Variants in SEPTIN9 observed in about 807,000 individuals in gnomAD.
SEPTIN9 encodes septin 9.
In SEPTIN9, 13 loss-of-function variants were observed where a neutral mutation model predicts 56.6. The ratio of observed to expected loss-of-function variants is 0.23; its 90% CI spans 0.15 to 0.37. The LOEUF (loss-of-function observed/expected upper bound fraction) is 0.37. Ranked by LOEUF, SEPTIN9 falls within the 10% of genes least tolerant of loss-of-function variation. SEPTIN9 has a pLI of 1.00. For synonymous variants in SEPTIN9, 332 were observed against 334.1 expected, an observed-to-expected ratio of 0.99 and a Z score of 0.07; for missense variants, 650 against 823.1, an observed-to-expected ratio of 0.79 and a Z score of 2.57.
chr17:77,424,253 A>G (rs1164679253), intron 3 of SEPTIN9, among the ~76,000 whole-genome samples: 2 of 152,272 alleles, frequency 1.3e-5, no homozygotes, highest in African/African-American at 4.8e-5. Context: ...AACTGGCCTC[A>G]GGCCACACAG....
rs758565020 is a variant in SEPTIN9 at position 77,475,932 on chromosome 17, G to T, written c.722-6212G>T. 1.3e-5 allele frequency: 20 copies of T among 1,589,850 alleles called. No homozygotes were observed. The highest frequency in any genetic ancestry group is 1.7e-5 in the Non-Finnish European group (20 of 1,165,228). On this transcript the variant is annotated intron_variant, in intron 3 of 11. Transcript: ENST00000427177. This position sits in a 1 kb window ranked among gnomAD's most constrained non-coding sequence, Gnocchi z 4.6. ...TGTGGGGATGTGGCCATTTCGGTCC[G>T]TGCTCTGAGAGCCAGGTGTGGGTTG...
chr17:77,297,987 C>T (rs1478379305), intron 1 of SEPTIN9, among the ~76,000 whole-genome samples: 1 of 152,136 alleles, frequency 6.6e-6, no homozygotes. Context: ...ATTCCAGGAA[C>T]AGCAAGGAGG....
chr17:77,451,869 G>A lies in SEPTIN9; in HGVS notation c.722-30275G>A, dbSNP rs1232662271. ...TTGGAACATGTTTCCTTTTCGCAAG[G>A]GGTTTCCCTGGCTTCCAGGAGGGCC... is the stretch of plus-strand genomic sequence containing the variant. On this transcript the variant is annotated intron_variant, in intron 3 of 11. Transcript: ENST00000427177. This position sits in a 1 kb window ranked among gnomAD's most constrained non-coding sequence, Gnocchi z 4.2. Among the ~76,000 whole-genome samples the A allele has an allele frequency of 1.2e-4, 19 of 152,232 alleles. No homozygotes were observed. The highest frequency in any genetic ancestry group is 1.2e-3 in the Admixed American group (18 of 15,288).
At position 77,475,926 on chromosome 17, in the gene SEPTIN9, C is replaced by T. The variant is rs373377651; in HGVS notation, c.722-6218C>T. On this transcript the variant is annotated intron_variant, in intron 3 of 11. Transcript: ENST00000427177. This position sits in a 1 kb window ranked among gnomAD's most constrained non-coding sequence, Gnocchi z 4.6. Reference sequence around the variant, plus strand: ...AAGGTGTGTGGGGATGTGGCCATTTCGGTCCGTGCTCTGAGAGCCAGGTGT... The same window carrying T: ...AAGGTGTGTGGGGATGTGGCCATTTTGGTCCGTGCTCTGAGAGCCAGGTGT... 57 of 1,595,134 alleles carry T rather than the reference C, an allele frequency of 3.6e-5. No homozygotes were observed. In the African/African-American group the frequency reaches 5.2e-4, roughly 15 times the overall value.
chr17:77,281,550 C>T lies in SEPTIN9; in HGVS notation c.15C>T (p.Tyr5=), dbSNP rs944573131. 1.3e-6 allele frequency: 2 copies of T among 1,544,506 alleles called. No homozygotes were observed. Among genetic ancestry groups the T allele is most frequent in the Non-Finnish European group, 1.7e-6 (2 of 1,145,260 alleles). Residue 5 remains tyrosine (Y), a synonymous_variant, in exon 1 of 12, where the codon TAC becomes TAT. Transcript: ENST00000427177. ...ACGGAGGCACCATGAAGAAGTCTTA[C>T]TCAGGTGGGCTTCGCGCCCGGGGTG... MKKS[Y]SGGTRTSSGR...
In SEPTIN9 at chr17:77,323,542, C is replaced by T. The variant is rs534229621; in HGVS notation, c.76+16345C>T. Reference sequence around the variant, plus strand: ...CCCGGGGTCCTGGAGGGGGCTTGGCCACGCTGTCGCTGGACGTCTGTCCCC... The same window carrying T: ...CCCGGGGTCCTGGAGGGGGCTTGGCTACGCTGTCGCTGGACGTCTGTCCCC... On this transcript the variant is annotated intron_variant, in intron 2 of 11. Transcript: ENST00000427177. The surrounding 1 kb of genome is among the most constrained non-coding windows in gnomAD (Gnocchi z 6.8). Among the ~76,000 whole-genome samples, 3 of 152,252 alleles carry T rather than the reference C, an allele frequency of 2.0e-5. No homozygotes were observed. The South Asian group carries it at 6.2e-4, about 32-fold the overall frequency.
At chr17:77,291,224 C>T (rs1379152814) in intron 1 of SEPTIN9, among the ~76,000 whole-genome samples, 10 of 151,140 alleles carry the variant, frequency 6.6e-5, no homozygotes, top group South Asian at 2.1e-4. Context: ...TTAGTAGGGA[C>T]GGGGTTTCAC....
rs1163168582 is a variant in SEPTIN9, at chr17:77,404,616, C to T, written c.721+1913C>T. Among the ~76,000 whole-genome samples, 3 of 152,048 alleles carry T rather than the reference C, an allele frequency of 2.0e-5. No individual in the cohort carries two copies. In the East Asian group the frequency reaches 5.8e-4, roughly 29 times the overall value. The stretch of plus-strand genomic sequence containing the variant: ...CTTGGGGGCTGGGAGGATGTGGGGC[C>T]TGGAGAGGGTGTGGGTTTGGGGGGA... On this transcript the variant is annotated intron_variant, in intron 3 of 11. Coordinates refer to ENST00000427177, the MANE Select transcript of SEPTIN9 (RefSeq NM_001113491.2).
intron 3 of SEPTIN9, among the ~76,000 whole-genome samples, chr17:77,455,073 C>G (rs1256759302): frequency 6.6e-6 from 1 of 151,868 alleles, no homozygotes; most frequent in African/African-American, 2.4e-5. Flanking sequence ...CTCCCTTTTC[C>G]CTATAAATAA....
chr17:77,420,081 C>T (rs1331377161), intron 3 of SEPTIN9, among the ~76,000 whole-genome samples: 1 of 152,120 alleles, frequency 6.6e-6, no homozygotes, highest in South Asian at 2.1e-4. Context: ...TGGAAGAGGT[C>T]ACAGCCCTGC....
At chr17:77,432,360 T>G (rs1598365097) in intron 3 of SEPTIN9, among the ~76,000 whole-genome samples, 1 of 152,232 alleles carries the variant, frequency 6.6e-6, no homozygotes. Flanking sequence ...CATTGGCTGC[T>G]TTGTTTCTCC....
At chr17:77,416,786 C>T (rs73375321) in intron 3 of SEPTIN9, among the ~76,000 whole-genome samples, 193 of 152,256 alleles carry the variant, frequency 1.3e-3, no homozygotes, top group African/African-American at 4.2e-3. Flanking sequence ...CCTGGATGGC[C>T]AGTCCCAGAG....
rs2036045501 is a variant in SEPTIN9 at position 77,405,718 on chromosome 17, T to C, written c.721+3015T>C. ...GGGGCCCAGGCCTGAGCCCCACTAG[T>C]TCTTCCTCCGAGGCACCACCTGCTT... On this transcript the variant is annotated intron_variant, in intron 3 of 11. Transcript: ENST00000427177. The surrounding 1 kb of genome is among the most constrained non-coding windows in gnomAD (Gnocchi z 5.8). Among the ~76,000 whole-genome samples, 1 of 151,918 alleles carries C rather than the reference T, an allele frequency of 6.6e-6. No individual in the cohort carries two copies. Among genetic ancestry groups the C allele is most frequent in the Non-Finnish European group, 1.5e-5 (1 of 67,956 alleles).
rs751236709 is a variant in SEPTIN9, at chr17:77,394,857, G to A, written c.77-7202G>A. Among the ~76,000 whole-genome samples the A allele has an allele frequency of 4.8e-4, 73 of 152,198 alleles. 1 individual carries two copies. The highest frequency in any genetic ancestry group is 2.1e-4 in the South Asian group (1 of 4,836). On this transcript the variant is annotated intron_variant, in intron 2 of 11. Coordinates refer to ENST00000427177, the MANE Select transcript of SEPTIN9 (RefSeq NM_001113491.2). ...TCCAGGCTGCTCCTGTTTCGACCCC[G>A]CCATGGGCCTGGAGGGGAAAGTTTG...
rs982540367 is a variant in SEPTIN9 at position 77,429,020 on chromosome 17, T to G, written c.721+26317T>G. ...CGTCAGAGGAGGCAGCCGGTGAGAA[T>G]GGGAGCATCTCAGCAGCCCTCCGCC... On this transcript the variant is annotated intron_variant, in intron 3 of 11. Transcript: ENST00000427177. The surrounding 1 kb of genome is among the most constrained non-coding windows in gnomAD (Gnocchi z 5.2). 1.1e-5 allele frequency: 5 copies of G among 471,312 alleles called. No individual in the cohort carries two copies. The highest frequency in any genetic ancestry group is 7.1e-5 in the Admixed American group (3 of 42,552). 29.2% of individuals were successfully genotyped at this position (471,312 alleles called of 1,614,324 possible).
At chr17:77,334,146 G>T (rs1318563614) in intron 2 of SEPTIN9, among the ~76,000 whole-genome samples, 3 of 152,070 alleles carry the variant, frequency 2.0e-5, no homozygotes, top group Non-Finnish European at 4.4e-5. Context: ...AAATTGGCCG[G>T]GCACAGTGGC....
Position 77,487,596 on chromosome 17 carries a change from T to C in SEPTIN9, c.1042+44T>C. 6.3e-7 allele frequency: 1 copy of C among 1,591,802 alleles called. No individual in the cohort carries two copies. The highest frequency in any genetic ancestry group is 8.5e-7 in the Non-Finnish European group (1 of 1,173,258). ...GCTGGGGGTGCAGGACGCCCCTGCC[T>C]TCCTGGAGCACAGGGGTTGGGGGTC... On this transcript the variant is annotated intron_variant, in intron 5 of 11. Coordinates refer to ENST00000427177, the MANE Select transcript of SEPTIN9 (RefSeq NM_001113491.2). This position sits in a 1 kb window ranked among gnomAD's most constrained non-coding sequence, Gnocchi z 4.3.
In SEPTIN9 at chr17:77,369,393, A is replaced by G. The variant is rs1568018128; in HGVS notation, c.77-32666A>G. ...GCACACTACTGGAGGAGGGAGGTTC[A>G]GACTGATTCGCAGAGAGACTAGAGG... On this transcript the variant is annotated intron_variant, in intron 2 of 11. Transcript: ENST00000427177. This position sits in a 1 kb window ranked among gnomAD's most constrained non-coding sequence, Gnocchi z 4.9. 2.6e-5 allele frequency among the ~76,000 whole-genome samples: 4 copies of G among 152,196 alleles called. No individual in the cohort carries two copies. The highest frequency in any genetic ancestry group is 9.7e-5 in the African/African-American group (4 of 41,446).
At chr17:77,283,047 C>G (rs1025231353) in intron 1 of SEPTIN9, among the ~76,000 whole-genome samples, 1 of 151,988 alleles carries the variant, frequency 6.6e-6, no homozygotes, top group Non-Finnish European at 1.5e-5. Context: ...CCGGAAGGGC[C>G]CTGAGGCAGG....
Sources: allele counts gnomAD v4.1 joint callset (sites outside exome capture counted in the v4.1 genomes callset), GRCh38; gene constraint gnomAD v4.1.1; non-coding constraint Gnocchi (gnomAD v3.1); transcripts MANE v1.5; gene names NCBI Gene and HGNC (gene_info 2026-07-23, HGNC 2026-07-21).